Variants in COL11A1 observed in about 807,000 individuals in gnomAD.
COL11A1 encodes the protein collagen alpha-1(XI) chain.
COL11A1 carries 74 observed loss-of-function variants against 265.2 expected under a neutral mutation model. That is an observed-to-expected ratio of 0.28 (90% confidence interval 0.23 to 0.34). The LOEUF (loss-of-function observed/expected upper bound fraction) is 0.34, where lower values mean the gene tolerates loss of function less well. COL11A1 is among the 10% of genes least tolerant of loss of function. The pLI is 1.00. For missense variants in COL11A1, 2,165 were observed against 2,263.6 expected, an observed-to-expected ratio of 0.96 and a Z score of 0.88; for synonymous variants, 816 against 727.6, an observed-to-expected ratio of 1.12 and a Z score of -1.96.
chr1:103,072,596 A>G (rs1295977075), intron 4 of COL11A1, among the ~76,000 whole-genome samples: 3 of 151,830 alleles, frequency 2.0e-5, no homozygotes, highest in Non-Finnish European at 4.4e-5. Context: ...ACATACTCGA[A>G]TAAGTTTTTA....
intron 4 of COL11A1, among the ~76,000 whole-genome samples, chr1:103,043,350 T>A (rs545103006): frequency 1.5e-4 from 23 of 151,528 alleles, no homozygotes; most frequent in Non-Finnish European, 2.5e-4. Flanking sequence ...AGGTATAGCA[T>A]CTCTACAAGA....
At position 102,998,373 on chromosome 1, in the gene COL11A1, A is replaced by G. The variant is rs1664824162; in HGVS notation, c.2143-10T>C. ...GTTTTCCTTGTGGTCCCTTATAGAGAAAAAAAAAATATTAAAAAGATAAAA... is the reference window on the plus strand; with the variant it reads ...GTTTTCCTTGTGGTCCCTTATAGAGGAAAAAAAAATATTAAAAAGATAAAA... On this transcript the variant is annotated splice_polypyrimidine_tract_variant and intron_variant, in intron 24 of 66. Transcript: ENST00000370096. 1 of 1,414,726 alleles carries G rather than the reference A, an allele frequency of 7.1e-7. No individual in the cohort carries two copies. The highest frequency in any genetic ancestry group is 1.5e-5 in the African/African-American group (1 of 68,160). The allele number at this position is 1,414,726 out of a possible 1,614,324, so 87.6% of individuals were successfully genotyped here. A position where few individuals can be genotyped will look rare whatever the true frequency, so the allele number is the denominator to read the frequency against.
intron 20 of COL11A1, 134 bp from the exon 21 acceptor site, chr1:103,003,402 G>C (rs1665314663): frequency 2.1e-6 from 2 of 942,226 alleles, no homozygotes; most frequent in Non-Finnish European, 3.3e-6. Flanking sequence ...CACACTGAAA[G>C]TGATGTCCAT....
rs373366240 is a variant in COL11A1, at chr1:103,003,217, G to T, written c.1996C>A (p.Pro666Thr). Reference protein sequence around the residue: ...PRGTPGAPGQPGMAGVDGPPG... With the variant: ...PRGTPGAPGQTGMAGVDGPPG... The stretch of plus-strand genomic sequence containing the variant: ...TCAATGTTTCCAGCAATACATACAG[G>T]CTGCCCTGGAGCTCCTGGAGTTCCC... The change falls in exon 21 of 67, where the codon CCT becomes ACT. Residue 666 changes from proline (P) to threonine (T), a missense_variant and splice_region_variant. Physicochemically the swap from Pro to Thr is conservative, Grantham distance 38. Transcript: ENST00000370096. 7.4e-6 allele frequency: 12 copies of T among 1,613,490 alleles called. No individual in the cohort carries two copies. The South Asian group carries it at 1.1e-4, about 15-fold the overall frequency.
chr1:103,000,888 C>T (rs1321972148), intron 24 of COL11A1: 16 of 332,342 alleles, frequency 4.8e-5, no homozygotes, highest in Non-Finnish European at 7.6e-5. Flanking sequence ...TAAACAGAAC[C>T]TGGTATACCC....
At position 102,883,332 on chromosome 1, in the gene COL11A1, T is replaced by C. The variant is rs767308373; in HGVS notation, c.4859-21A>G. The stretch of plus-strand genomic sequence containing the variant: ...TTCACCTAGAAGGTAGCAAAAAATA[T>C]GTCATATAAAAATTCATTGACATCA... On this transcript the variant is annotated intron_variant, in intron 63 of 66. Coordinates refer to ENST00000370096, the MANE Select transcript of COL11A1 (RefSeq NM_001854.4). The C allele has an allele frequency of 1.8e-4, 264 of 1,469,944 alleles. 3 individuals are homozygous for C. In the South Asian group the frequency reaches 3.0e-3, roughly 16 times the overall value. 91.1% of individuals were successfully genotyped at this position (1,469,944 alleles called of 1,614,324 possible). A position where few individuals can be genotyped will look rare whatever the true frequency, so the allele number is the denominator to read the frequency against.
At chr1:102,919,213 A>T (rs115201183) in intron 49 of COL11A1, among the ~76,000 whole-genome samples, 3,031 of 152,098 alleles carry the variant, frequency 0.02, 124 homozygotes, top group African/African-American at 0.069. Flanking sequence ...AGAATATATT[A>T]AAAAAGGCAG....
intron 3 of COL11A1, 92 bp from the exon 4 acceptor site, chr1:103,074,872 T>A: frequency 7.0e-7 from 1 of 1,421,014 alleles, no homozygotes; most frequent in East Asian, 2.4e-5. Flanking sequence ...TTTTAAATTA[T>A]AAAAATGAGC....
chr1:102,987,512 G>A (rs1237900999), intron 30 of COL11A1, 121 bp downstream of exon 30: 1 of 787,396 alleles, frequency 1.3e-6, no homozygotes, highest in African/African-American at 1.7e-5. Context: ...AAATGATAAT[G>A]AAACATTTTA....
intron 1 of COL11A1, among the ~76,000 whole-genome samples, chr1:103,083,257 TGTGTGTGTGC>T (rs1290288602): frequency 2.3e-4 from 34 of 148,992 alleles, no homozygotes; most frequent in Middle Eastern, 3.4e-3. Flanking sequence ...TCTGTGTGTG[TGTGTGTGTGC>T]GTGTGTGTGT....
intron 22 of COL11A1, 100 bp from the exon 23 acceptor site, chr1:103,002,581 T>A (rs1443361264): frequency 3.4e-6 from 4 of 1,189,688 alleles, no homozygotes; most frequent in Non-Finnish European, 4.9e-6. Flanking sequence ...CTCAAACAGT[T>A]TTCCCTCATG....
At chr1:103,015,341 G>T (rs1381705507) in intron 12 of COL11A1, among the ~76,000 whole-genome samples, 1 of 151,634 alleles carries the variant, frequency 6.6e-6, no homozygotes, top group Admixed American at 6.6e-5. Flanking sequence ...ATAATAGATG[G>T]TAAATAGTAT....
intron 46 of COL11A1, among the ~76,000 whole-genome samples, chr1:102,932,363 G>T (rs1231756118): frequency 6.6e-6 from 1 of 152,064 alleles, no homozygotes; most frequent in Admixed American, 6.6e-5. Flanking sequence ...GGTTAGTTTG[G>T]CTGGATATGA....
chr1:102,933,499 T>G (rs539227337), intron 46 of COL11A1, among the ~76,000 whole-genome samples: 62 of 152,090 alleles, frequency 4.1e-4, no homozygotes, highest in Admixed American at 1.7e-3. Context: ...CTTAAAAGCT[T>G]TCAGACAGGG....
intron 10 of COL11A1, 61 bp from the exon 11 acceptor site, chr1:103,017,943 T>A: frequency 7.7e-7 from 1 of 1,299,942 alleles, no homozygotes; most frequent in Non-Finnish European, 1.1e-6. Context: ...TTAGATGAAT[T>A]CACTCTAGTC....
At chr1:102,880,689 GA>G (rs142861301) in intron 65 of COL11A1, among the ~76,000 whole-genome samples, 13 of 145,092 alleles carry the variant, frequency 9.0e-5, no homozygotes, top group South Asian at 4.4e-4. Flanking sequence ...ACTTAAATTT[GA>G]AAAAAAAAAG....
intron 4 of COL11A1, 91 bp from the exon 5 acceptor site, chr1:103,031,335 T>C (rs990237803): frequency 1.4e-6 from 2 of 1,462,558 alleles, no homozygotes; most frequent in Non-Finnish European, 1.8e-6. Flanking sequence ...TGGTTTATTT[T>C]TAAATATTTG....
Position 103,052,239 on chromosome 1 carries a change from C to T in COL11A1, c.652-20995G>A, listed in dbSNP as rs568362422. On this transcript the variant is annotated intron_variant, in intron 4 of 66. Coordinates refer to ENST00000370096, the MANE Select transcript of COL11A1 (RefSeq NM_001854.4). The stretch of plus-strand genomic sequence containing the variant: ...GATTCTTCCAATTCTAAACTAGCTC[C>T]TTCACTGTCACAAAAAGAATTCTAA... Among the ~76,000 whole-genome samples the T allele has an allele frequency of 2.0e-5, 3 of 152,060 alleles. No homozygotes were observed. The South Asian group carries it at 6.2e-4, about 32-fold the overall frequency.
chr1:102,906,071 C>A (rs892907739), intron 54 of COL11A1, among the ~76,000 whole-genome samples: 22 of 151,840 alleles, frequency 1.4e-4, no homozygotes, highest in Non-Finnish European at 2.8e-4. Flanking sequence ...AATTGGAAAC[C>A]CTTATTCAAT....
Sources: gnomAD v4.1 joint callset for allele counts (sites outside exome capture counted in the v4.1 genomes callset) on GRCh38, gnomAD v4.1.1 for gene constraint, MANE v1.5 for transcripts, NCBI Gene and HGNC (gene_info 2026-07-23, HGNC 2026-07-21) for gene names.